The following RPS6KA2 variants were observed in gnomAD, a reference collection of about 807,000 sequenced individuals.
RPS6KA2 encodes ribosomal protein S6 kinase A2.
RPS6KA2 carries 42 observed loss-of-function variants against 91.8 expected under a neutral mutation model. That is an observed-to-expected ratio of 0.46 (90% CI 0.36 to 0.59). RPS6KA2 has a LOEUF of 0.59. RPS6KA2 is among the 20% of genes least tolerant of loss of function. The pLI, the probability that RPS6KA2 is intolerant of heterozygous loss-of-function variation, is 0.00. For missense variants in RPS6KA2, 798 were observed against 978.5 expected (o/e 0.82, Z 2.46); for synonymous variants, 414 against 393.6 (o/e 1.05, Z -0.61).
chr6:166,478,145 C>T (rs1198891616), intron 10 of RPS6KA2, among the ~76,000 whole-genome samples: 1 of 152,116 alleles, frequency 6.6e-6, no homozygotes, highest in Admixed American at 6.6e-5. Context: ...CTCGGCTGGG[C>T]GGGGGCGGTT....
In RPS6KA2 at chr6:166,517,455, GT is replaced by G. The variant is rs71032809; in HGVS notation, c.299-7099del. Among the ~76,000 whole-genome samples the G allele has an allele frequency of 7.7e-3, 801 of 104,492 alleles. 1 individual carries two copies. Among genetic ancestry groups the G allele is most frequent in the African/African-American group, 0.028 (632 of 22,216 alleles). The allele number at this position is 104,492 out of a possible 152,430, so 68.6% of individuals were successfully genotyped here. On this transcript the variant is annotated intron_variant, in intron 3 of 20. Transcript: ENST00000265678. ...ACCACTTAAGGCGTTCTTTTGTTTT[GT>G]TTTTTTTTTTTTTTTTTTTTTTTTT...
intron 1 of RPS6KA2, among the ~76,000 whole-genome samples, chr6:166,566,485 G>C (rs1224934574): frequency 1.3e-5 from 2 of 152,346 alleles, no homozygotes; most frequent in East Asian, 3.9e-4. Context: ...CAGAGGTTCT[G>C]TCTCCAGATG....
At chr6:166,449,430 C>T (rs1313385059) in intron 13 of RPS6KA2, among the ~76,000 whole-genome samples, 1 of 152,160 alleles carries the variant, frequency 6.6e-6, no homozygotes, top group African/African-American at 2.4e-5. Flanking sequence ...TCAACTTACC[C>T]GGATTTCATT....
intron 1 of RPS6KA2, among the ~76,000 whole-genome samples, chr6:166,541,225 G>T (rs970047940): frequency 6.6e-6 from 1 of 152,234 alleles, no homozygotes; most frequent in Non-Finnish European, 1.5e-5. Context: ...CGGCCACACT[G>T]CAGAACAGAA....
intron 1 of RPS6KA2, among the ~76,000 whole-genome samples, chr6:166,585,602 A>G (rs1319261786): frequency 1.0e-5 from 1 of 98,446 alleles, no homozygotes; most frequent in Admixed American, 9.8e-5. Context: ...TTAAGGAATC[A>G]CAAAGTACCA....
chr6:166,715,832 G>A (rs949061113), intron 2 of RPS6KA2, among the ~76,000 whole-genome samples: 2 of 152,112 alleles, frequency 1.3e-5, no homozygotes, highest in Admixed American at 1.3e-4. Context: ...GAGGTCAGGA[G>A]TTCAAGACCA....
At chr6:166,471,757 G>A (rs1733926393) in intron 10 of RPS6KA2, among the ~76,000 whole-genome samples, 1 of 152,248 alleles carries the variant, frequency 6.6e-6, no homozygotes, top group Non-Finnish European at 1.5e-5. Flanking sequence ...TACAGGTACT[G>A]GGTTTGGAGG....
rs1257387679 is a variant in RPS6KA2, at chr6:166,466,253, C to T, written c.972+3588G>A. ...GAGCAGAGGCGCTGTGTAGAGAAGG[C>T]TCTTATTGCCACAGGAAAAAGGCGG... On this transcript the variant is annotated intron_variant, in intron 11 of 20. Transcript: ENST00000265678. 2.6e-5 allele frequency among the ~76,000 whole-genome samples: 4 copies of T among 152,156 alleles called. No homozygotes were observed. The East Asian group carries it at 7.7e-4, about 29-fold the overall frequency.
chr6:166,777,528 C>T (rs1277450755), intron 2 of RPS6KA2, among the ~76,000 whole-genome samples: 5 of 151,850 alleles, frequency 3.3e-5, no homozygotes, highest in Non-Finnish European at 1.5e-5. Context: ...CACAAAAAGG[C>T]AAAAATGGAG....
At position 166,531,262 on chromosome 6, in the gene RPS6KA2, T is replaced by A; in HGVS notation, c.268A>T (p.Met90Leu). The A allele has an allele frequency of 6.2e-7, 1 of 1,614,180 alleles. No individual in the cohort carries two copies. Among genetic ancestry groups the A allele is most frequent in the Non-Finnish European group, 8.5e-7 (1 of 1,180,002 alleles). Residue 90 changes from methionine (M) to leucine (L), a missense_variant, in exon 3 of 21, where the codon ATG becomes TTG. Transcript: ENST00000265678. ...KGSDAGQLYA[M>L]KVLKKATLKV... ...AGGGTGGCTTTCTTAAGGACCTTCA[T>A]GGCGTAGAGCTGCCCAGCGTCGGAC...
At position 166,732,920 on chromosome 6, in the gene RPS6KA2, T is replaced by C. The variant is rs114229548; in HGVS notation, c.123+125280A>G. 1.6e-3 allele frequency among the ~76,000 whole-genome samples: 238 copies of C among 152,152 alleles called. 1 individual carries two copies. Among genetic ancestry groups the C allele is most frequent in the African/African-American group, 5.5e-3 (228 of 41,450 alleles). On this transcript the variant is annotated intron_variant, in intron 2 of 21. Coordinates refer to the RPS6KA2 transcript ENST00000503859. This position sits in a 1 kb window ranked among gnomAD's most constrained non-coding sequence, Gnocchi z 4.0. ...GTAAGTCACAACAAAACAAAAGACC[T>C]GAAGTGAAGCCTGCTGGCTTAGAGG...
intron 1 of RPS6KA2, among the ~76,000 whole-genome samples, chr6:166,614,343 G>C (rs111941657): frequency 6.6e-6 from 1 of 152,120 alleles, no homozygotes. Flanking sequence ...GCCCTCTATC[G>C]TAATACCTCG....
chr6:166,821,385 T>C lies in RPS6KA2; in HGVS notation c.123+36815A>G, dbSNP rs1022818463. Reference sequence around the variant, plus strand: ...AGCAGCTCAGGCCCTGTGGGTGCGCTTCACATGCGTGGGGCTGTAGGATGG... The same window carrying C: ...AGCAGCTCAGGCCCTGTGGGTGCGCCTCACATGCGTGGGGCTGTAGGATGG... On this transcript the variant is annotated intron_variant, in intron 2 of 21. Coordinates refer to the RPS6KA2 transcript ENST00000503859. This position sits in a 1 kb window ranked among gnomAD's most constrained non-coding sequence, Gnocchi z 4.1. Among the ~76,000 whole-genome samples the C allele has an allele frequency of 1.3e-5, 2 of 152,026 alleles. No homozygotes were observed. The highest frequency in any genetic ancestry group is 2.9e-5 in the Non-Finnish European group (2 of 67,992).
At chr6:166,584,202 A>T (rs1289586072) in intron 1 of RPS6KA2, among the ~76,000 whole-genome samples, 3 of 152,180 alleles carry the variant, frequency 2.0e-5, no homozygotes, top group African/African-American at 7.2e-5. Context: ...TGAGGGCCCA[A>T]TTCCTGGCTC....
chr6:166,528,108 C>T (rs1583243301), intron 3 of RPS6KA2, among the ~76,000 whole-genome samples: 1 of 152,160 alleles, frequency 6.6e-6, no homozygotes, highest in Non-Finnish European at 1.5e-5. Context: ...AATCTCTGGT[C>T]AACCTTTCGA....
chr6:166,627,676 G>C (rs1290574722), upstream of RPS6KA2: 2 of 152,244 alleles, frequency 1.3e-5, no homozygotes, highest in Non-Finnish European at 1.5e-5. Flanking sequence ...GCCCGGGCGA[G>C]TTGTGCAGCT....
At chr6:166,683,256 T>G (rs1788892762) in intron 2 of RPS6KA2, among the ~76,000 whole-genome samples, 1 of 152,250 alleles carries the variant, frequency 6.6e-6, no homozygotes, top group East Asian at 1.9e-4. Context: ...ATTGCAGATG[T>G]CCAAAAGTGC....
intron 12 of RPS6KA2, among the ~76,000 whole-genome samples, chr6:166,452,923 G>A (rs1042184383): frequency 6.6e-6 from 1 of 152,140 alleles, no homozygotes; most frequent in African/African-American, 2.4e-5. Flanking sequence ...TTAAGGGCTG[G>A]GTGCAGTGGC....
intron 2 of RPS6KA2, among the ~76,000 whole-genome samples, chr6:166,656,248 CG>C (rs1244024224): frequency 6.7e-6 from 1 of 149,000 alleles, no homozygotes; most frequent in East Asian, 2.0e-4. Flanking sequence ...AGGGGTCTGG[CG>C]TTAGCGGTCT....
Sources: allele counts gnomAD v4.1 joint callset (sites outside exome capture counted in the v4.1 genomes callset), GRCh38; gene constraint gnomAD v4.1.1; non-coding constraint Gnocchi (gnomAD v3.1); transcripts MANE v1.5; gene names NCBI Gene and HGNC (gene_info 2026-07-23, HGNC 2026-07-21).